The following ZMPSTE24 variants were observed in gnomAD, a reference collection of about 807,000 sequenced individuals.
ZMPSTE24 encodes CAAX prenyl protease 1 homolog.
A neutral mutation model predicts 56.7 loss-of-function variants in ZMPSTE24; 48 were observed. That is an observed-to-expected ratio of 0.85 (90% CI 0.67 to 1.08). The LOEUF is 1.08. ZMPSTE24 is among the 50% of genes least tolerant of loss of function. The probability of loss-of-function intolerance (pLI) is 0.00; values close to 1 mark genes in which losing one functional copy is unlikely to be tolerated. For synonymous variants in ZMPSTE24, 172 were observed against 195.2 expected (o/e 0.88, Z 0.99); for missense variants, 503 against 548.7 (o/e 0.92, Z 0.83).
chr1:40,273,701 C>CT (rs139588597), intron 6 of ZMPSTE24, among the ~76,000 whole-genome samples: 35,956 of 143,484 alleles, frequency 0.25, 4,484 homozygotes, highest in Non-Finnish European at 0.27. Context: ...AATAACTACT[C>CT]TTTTTTTTTT....
rs1643592070 is a variant in ZMPSTE24 at position 40,269,564 on chromosome 1, A to G, written c.475-411A>G. On this transcript the variant is annotated intron_variant, in intron 4 of 9. Transcript: ENST00000372759. ...AGCCACGACCTTCCAGATTCAAGCA[A>G]TCCTCCCACCTCAGCCTGCCTAGTA... Among the ~76,000 whole-genome samples, 7 of 152,186 alleles carry G rather than the reference A, an allele frequency of 4.6e-5. No homozygotes were observed. In the South Asian group the frequency reaches 1.2e-3, roughly 27 times the overall value.
intron 1 of ZMPSTE24, among the ~76,000 whole-genome samples, chr1:40,259,133 G>A (rs950099208): frequency 1.3e-5 from 2 of 152,048 alleles, no homozygotes; most frequent in African/African-American, 4.8e-5. Flanking sequence ...ACTCCAGCCT[G>A]GGCGACAAGA....
intron 8 of ZMPSTE24, among the ~76,000 whole-genome samples, chr1:40,289,182 T>C (rs1411417338): frequency 6.6e-6 from 1 of 152,244 alleles, no homozygotes; most frequent in South Asian, 2.1e-4. Context: ...CTTATTTAAC[T>C]TACTGGTGCC....
At chr1:40,261,069 T>G in intron 2 of ZMPSTE24, 84 bp downstream of exon 2, 1 of 1,517,936 alleles carries the variant, frequency 6.6e-7, no homozygotes, top group Non-Finnish European at 9.1e-7. Context: ...GGTACCACAC[T>G]TACAAGTCCC....
At chr1:40,274,621 A>G (rs1418551985) in intron 6 of ZMPSTE24, among the ~76,000 whole-genome samples, 2 of 152,224 alleles carry the variant, frequency 1.3e-5, no homozygotes, top group East Asian at 3.8e-4. Flanking sequence ...ATCAGTCCAC[A>G]TAGGCCTTTG....
chr1:40,268,523 C>A lies in ZMPSTE24; in HGVS notation c.462C>A (p.Gly154=). 2 of 1,596,436 alleles carry A rather than the reference C, an allele frequency of 1.3e-6. No homozygotes were observed. Among genetic ancestry groups the A allele is most frequent in the Non-Finnish European group, 1.7e-6 (2 of 1,166,420 alleles). The change falls in exon 4 of 10, where the codon GGC becomes GGA. Residue 154 remains glycine (G), a synonymous_variant. Transcript: ENST00000372759. ...YNTFVIEEKH[G]FNQQTLGFFM... The stretch of plus-strand genomic sequence containing the variant: ...CTTTTGTGATAGAAGAAAAACATGG[C>A]TTCAATCAACAGGTATAATAAAGAA...
At chr1:40,258,594 C>T (rs1434241136) in intron 1 of ZMPSTE24, among the ~76,000 whole-genome samples, 200 bp downstream of exon 1, 1 of 152,102 alleles carries the variant, frequency 6.6e-6, no homozygotes, top group Non-Finnish European at 1.5e-5. Flanking sequence ...TTTTCTGTAA[C>T]GTTATCATGG....
chr1:40,260,764 A>G, intron 1 of ZMPSTE24, 75 bp from the exon 2 acceptor site: 1 of 1,499,844 alleles, frequency 6.7e-7, no homozygotes, highest in Non-Finnish European at 9.2e-7. Context: ...GCTATAAACC[A>G]TTCGATGTTT....
In ZMPSTE24 at chr1:40,292,580, G is replaced by T; in HGVS notation, c.1339G>T (p.Val447Phe). The change falls in exon 10 of 10, where the codon GTT becomes TTT. Residue 447 changes from valine to phenylalanine, a missense_variant. Coordinates refer to ENST00000372759, the MANE Select transcript of ZMPSTE24 (RefSeq NM_005857.5). ...TAACAAAGATAACTTGGGATTCCCTGTTTCTGACTGGTTGTTCTCAATGTG... is the reference window on the plus strand; with the variant it reads ...TAACAAAGATAACTTGGGATTCCCTTTTTCTGACTGGTTGTTCTCAATGTG... Reference protein sequence around the residue: ...KLNKDNLGFPVSDWLFSMWHY... With the variant: ...KLNKDNLGFPFSDWLFSMWHY... 1 of 1,614,120 alleles carries T rather than the reference G, an allele frequency of 6.2e-7. No individual in the cohort carries two copies. Among genetic ancestry groups the T allele is most frequent in the Non-Finnish European group, 8.5e-7 (1 of 1,180,010 alleles).
rs956215063 is a variant in ZMPSTE24 at position 40,268,643 on chromosome 1, G to C, written c.474+108G>C. ...AATTTACTATTTCAGAGTATGAATT[G>C]AGAAAAAAGGGAACTACAGATATGG... On this transcript the variant is annotated intron_variant, in intron 4 of 9. Coordinates refer to ENST00000372759, the MANE Select transcript of ZMPSTE24 (RefSeq NM_005857.5). The C allele has an allele frequency of 1.0e-5, 8 of 773,474 alleles. No homozygotes were observed. In the African/African-American group the frequency reaches 1.4e-4, roughly 14 times the overall value. 47.9% of individuals were successfully genotyped at this position (773,474 alleles called of 1,614,324 possible).
chr1:40,267,652 G>C (rs1643564770), intron 2 of ZMPSTE24, 134 bp from the exon 3 acceptor site: 3 of 656,288 alleles, frequency 4.6e-6, no homozygotes, highest in Non-Finnish European at 8.0e-6. Context: ...TTACAGGCAT[G>C]AGCCACCGTA....
intron 6 of ZMPSTE24, among the ~76,000 whole-genome samples, chr1:40,273,537 A>AAAAAAAAATATATAT (rs1224234676): frequency 4.0e-4 from 5 of 12,390 alleles, no homozygotes; most frequent in East Asian, 3.3e-3. Flanking sequence ...AAAAAAAAAA[A>AAAAAAAAATATATAT]ATATATATAT....
rs1643618852 is a variant in ZMPSTE24 at position 40,272,019 on chromosome 1, G to C, written c.753G>C (p.Lys251Asn). 6.2e-7 allele frequency: 1 copy of C among 1,609,432 alleles called. No homozygotes were observed. The highest frequency in any genetic ancestry group is 1.1e-5 in the South Asian group (1 of 90,148). Residue 251 changes from lysine to asparagine, a missense_variant, in exon 6 of 10, where the codon AAG (lysine) becomes AAC (asparagine). By Grantham distance (94) the Lys-to-Asn change is moderately conservative (BLOSUM62 0). Transcript: ENST00000372759. ...MAKSIDFPLT[K>N]VYVVEGSKRS... ...AGAGTATTGACTTTCCTTTGACGAAGGTGTATGTTGTGGAAGGTAAGGCTA... is the reference window on the plus strand; with the variant it reads ...AGAGTATTGACTTTCCTTTGACGAACGTGTATGTTGTGGAAGGTAAGGCTA...
At position 40,281,807 on chromosome 1, in the gene ZMPSTE24, GTA is replaced by G. The variant is rs146054642; in HGVS notation, c.954+292_954+293del. On this transcript the variant is annotated intron_variant, in intron 7 of 9. Coordinates refer to ENST00000372759, the MANE Select transcript of ZMPSTE24 (RefSeq NM_005857.5). ...CTATCTTTAAAACAGGAACTTGTGT[GTA>G]TATATATATATGTGTGTGTATATAT... Among the ~76,000 whole-genome samples, 664 of 151,112 alleles carry G rather than the reference GTA, an allele frequency of 4.4e-3. 7 individuals are homozygous for G. The highest frequency in any genetic ancestry group is 0.015 in the African/African-American group (622 of 41,260).
chr1:40,282,210 A>T (rs921194301), intron 7 of ZMPSTE24, among the ~76,000 whole-genome samples: 1 of 152,240 alleles, frequency 6.6e-6, no homozygotes, highest in Non-Finnish European at 1.5e-5. Flanking sequence ...TAGATATAGT[A>T]ACTGGAGCAC....
At position 40,292,964 on chromosome 1, in the gene ZMPSTE24, T is replaced by G; in HGVS notation, c.*295T>G. ...TACAGAACTCGTTTTATTTGTATAC[T>G]TATATGGAATCTGCATGTGAGGTGT... On this transcript the variant is annotated 3_prime_UTR_variant, in exon 10 of 10. Coordinates refer to ENST00000372759, the MANE Select transcript of ZMPSTE24 (RefSeq NM_005857.5). 1 of 329,878 alleles carries G rather than the reference T, an allele frequency of 3.0e-6. No homozygotes were observed. Among genetic ancestry groups the G allele is most frequent in the Non-Finnish European group, 5.8e-6 (1 of 173,190 alleles). 20.4% of individuals were successfully genotyped at this position (329,878 alleles called of 1,614,324 possible).
intron 5 of ZMPSTE24, among the ~76,000 whole-genome samples, chr1:40,270,703 CTCCTT>C (rs1643605654): frequency 6.6e-6 from 1 of 152,062 alleles, no homozygotes; most frequent in African/African-American, 2.4e-5. Flanking sequence ...TGCCTCTCTT[CTCCTT>C]TCCTTTTCCC....
chr1:40,289,031 G>A (rs912763413), intron 8 of ZMPSTE24, among the ~76,000 whole-genome samples: 6 of 152,002 alleles, frequency 3.9e-5, no homozygotes, highest in African/African-American at 1.4e-4. Flanking sequence ...TCTGGTGCCA[G>A]CATATTGTAT....
intron 6 of ZMPSTE24, among the ~76,000 whole-genome samples, chr1:40,278,659 A>G (rs188548059): frequency 1.3e-5 from 2 of 152,128 alleles, no homozygotes; most frequent in East Asian, 3.9e-4. Context: ...AGGAAACTAA[A>G]GCTTAAAGAA....
Sources: gnomAD v4.1 joint callset for allele counts (sites outside exome capture counted in the v4.1 genomes callset) on GRCh38, gnomAD v4.1.1 for gene constraint, MANE v1.5 for transcripts, NCBI Gene and HGNC (gene_info 2026-07-23, HGNC 2026-07-21) for gene names.